Variants in ITGB4 observed in about 807,000 individuals in gnomAD.
ITGB4 encodes integrin beta-4.
ITGB4 carries 159 observed loss-of-function variants against 207.6 expected under a neutral mutation model. The ratio of observed to expected loss-of-function variants is 0.77; its 90% CI spans 0.67 to 0.87. The LOEUF (loss-of-function observed/expected upper bound fraction) is 0.87. ITGB4 is among the 40% of genes least tolerant of loss of function. The pLI is 0.00. For synonymous variants in ITGB4, 1,020 were observed against 1,062.7 expected (o/e 0.96, Z 0.78); for missense variants, 2,278 against 2,546.8 (o/e 0.89, Z 2.27).
chr17:75,754,838 G>A (rs757662832), intron 34 of ITGB4, 23 bp downstream of exon 34: 87 of 1,613,840 alleles, frequency 5.4e-5, no homozygotes, highest in Non-Finnish European at 6.7e-5. Flanking sequence ...AGCCAACCCT[G>A]CCTCTCCCAC....
intron 13 of ITGB4, 141 bp downstream of exon 13, chr17:75,733,833 C>A: frequency 1.1e-6 from 1 of 945,900 alleles, no homozygotes; most frequent in Non-Finnish European, 1.6e-6. Context: ...CTCTGGATGC[C>A]CTGAGGGCCG....
In ITGB4 at chr17:75,742,386, G is replaced by T. The variant is rs149712551; in HGVS notation, c.2679G>T (p.Ser893=). 14 of 1,613,398 alleles carry T rather than the reference G, an allele frequency of 8.7e-6. No individual in the cohort carries two copies. In the East Asian group the frequency reaches 2.9e-4, roughly 33 times the overall value. ...IVDTVLMAPR[S]AKPALLKLTE... Reference sequence around the variant, plus strand: ...ACACAGTGCTGATGGCGCCCCGCTCGGCCAAGCCGGCCCTGCTGAAGCTTA... The same window carrying T: ...ACACAGTGCTGATGGCGCCCCGCTCTGCCAAGCCGGCCCTGCTGAAGCTTA... The change falls in exon 24 of 40, where the codon TCG becomes TCT. Residue 893 remains serine (S), a synonymous_variant. Transcript: ENST00000200181. The surrounding 1 kb of genome is among the most constrained non-coding windows in gnomAD (Gnocchi z 5.9).
At chr17:75,756,306 C>T (rs766548967) in intron 35 of ITGB4, 123 bp from the exon 36 acceptor site, 1 of 1,080,306 alleles carries the variant, frequency 9.3e-7, no homozygotes, top group Non-Finnish European at 1.4e-6. Context: ...AACCTGTACC[C>T]AAACCACAGC....
At position 75,722,522 on chromosome 17, in the gene ITGB4, G is replaced by T. The variant is rs925440733; in HGVS notation, c.-11+910G>T. On this transcript the variant is annotated intron_variant, in intron 1 of 39. Transcript: ENST00000200181. The surrounding 1 kb of genome is among the most constrained non-coding windows in gnomAD (Gnocchi z 6.2). ...GGACAGCAGGAGGGACAGGAGGGGA[G>T]GTATGTCTGTCTACTCGACCCTGAT... 5.9e-5 allele frequency among the ~76,000 whole-genome samples: 9 copies of T among 152,196 alleles called. No homozygotes were observed. Among genetic ancestry groups the T allele is most frequent in the South Asian group, 2.1e-4 (1 of 4,832 alleles).
In ITGB4 at chr17:75,754,777, C is replaced by T. The variant is rs752769046; in HGVS notation, c.4520C>T (p.Pro1507Leu). 8 of 1,612,544 alleles carry T rather than the reference C, an allele frequency of 5.0e-6. No homozygotes were observed. The highest frequency in any genetic ancestry group is 6.8e-6 in the Non-Finnish European group (8 of 1,178,920). Residue 1507 changes from proline (P) to leucine (L), a missense_variant, in exon 34 of 40, where the codon CCC becomes CTC. By Grantham distance (98) the Pro-to-Leu change is moderately conservative. Coordinates refer to ENST00000200181, the MANE Select transcript of ITGB4 (RefSeq NM_000213.5). ...RSEHSHSTTLPRDYSTLTSVS... is the reference protein window; with the variant it reads ...RSEHSHSTTLLRDYSTLTSVS... The stretch of plus-strand genomic sequence containing the variant: ...GAACACTCACACTCGACCACACTGC[C>T]CAGGGACTACTCCACCCTCACCTCC...
At position 75,733,477 on chromosome 17, in the gene ITGB4, G is replaced by C. The variant is rs752290304; in HGVS notation, c.1455-13G>C. The C allele has an allele frequency of 4.3e-6, 7 of 1,612,124 alleles. No homozygotes were observed. The Admixed American group carries it at 1.2e-4, about 27-fold the overall frequency. ...CCTGGGCTGTTTCGGGGAATGACCA[G>C]TTCCTCCTTCAGGAGTGGCCAGACC... On this transcript the variant is annotated splice_polypyrimidine_tract_variant and intron_variant, in intron 12 of 39. Coordinates refer to ENST00000200181, the MANE Select transcript of ITGB4 (RefSeq NM_000213.5).
In ITGB4 at chr17:75,731,387, A is replaced by T; in HGVS notation, c.1215+19A>T. On this transcript the variant is annotated intron_variant, in intron 10 of 39. Transcript: ENST00000200181. The surrounding 1 kb of genome is among the most constrained non-coding windows in gnomAD (Gnocchi z 6.8). Reference sequence around the variant, plus strand: ...GGAAGTGGTACGCCTCTGTGGGGGCAGCGGGGTGGGGGATAGGCACAGCGC... The same window carrying T: ...GGAAGTGGTACGCCTCTGTGGGGGCTGCGGGGTGGGGGATAGGCACAGCGC... 5 of 1,579,884 alleles carry T rather than the reference A, an allele frequency of 3.2e-6. No homozygotes were observed. Among genetic ancestry groups the T allele is most frequent in the Non-Finnish European group, 4.3e-6 (5 of 1,152,252 alleles).
In ITGB4 at chr17:75,754,933, T is replaced by C. The variant is rs1340135962; in HGVS notation, c.4558+118T>C. ...CCATTCTCCAACATACACACACGCATGCACACATGCACGCACACACGTGCA... is the reference window on the plus strand; with the variant it reads ...CCATTCTCCAACATACACACACGCACGCACACATGCACGCACACACGTGCA... On this transcript the variant is annotated intron_variant, in intron 34 of 39. Transcript: ENST00000200181. The C allele has an allele frequency of 3.9e-6, 6 of 1,542,840 alleles. No homozygotes were observed. In the Admixed American group the frequency reaches 6.9e-5, roughly 18 times the overall value.
chr17:75,727,225 G>T lies in ITGB4; in HGVS notation c.110G>T (p.Ser37Ile), dbSNP rs972322019. ...CGCTGCAAGAAGGCCCCAGTGAAGA[G>T]CTGCACGGAGTGTGTCCGTGTGGAT... Reference protein sequence around the residue: ...ANRCKKAPVKSCTECVRVDKD... With the variant: ...ANRCKKAPVKICTECVRVDKD... Residue 37 changes from serine to isoleucine, a missense_variant, in exon 3 of 40, where the codon AGC becomes ATC. Transcript: ENST00000200181. The surrounding 1 kb of genome is among the most constrained non-coding windows in gnomAD (Gnocchi z 6.0). 3.7e-6 allele frequency: 6 copies of T among 1,614,078 alleles called. No individual in the cohort carries two copies. Among genetic ancestry groups the T allele is most frequent in the Non-Finnish European group, 5.1e-6 (6 of 1,179,986 alleles).
Position 75,727,730 on chromosome 17 carries a change from A to G in ITGB4, c.344A>G (p.Glu115Gly). 6.2e-7 allele frequency: 1 copy of G among 1,613,788 alleles called. No individual in the cohort carries two copies. ...GLRVRLRPGEERHFELEVFEP... is the reference protein window; with the variant it reads ...GLRVRLRPGEGRHFELEVFEP... ...CGGGTCCGTCTGCGGCCCGGTGAGG[A>G]GCGGCATTTTGAGCTGGAGGTGTTT... The change falls in exon 5 of 40, where the codon GAG (glutamate) becomes GGG (glycine). Residue 115 changes from glutamate (E) to glycine (G), a missense_variant. Coordinates refer to ENST00000200181, the MANE Select transcript of ITGB4 (RefSeq NM_000213.5). This position sits in a 1 kb window ranked among gnomAD's most constrained non-coding sequence, Gnocchi z 6.0.
Position 75,740,270 on chromosome 17 carries a change from G to A in ITGB4, c.2447-88G>A. 3 of 1,332,434 alleles carry A rather than the reference G, an allele frequency of 2.3e-6. No individual in the cohort carries two copies. Among genetic ancestry groups the A allele is most frequent in the Non-Finnish European group, 3.2e-6 (3 of 945,730 alleles). The allele number at this position is 1,332,434 out of a possible 1,614,324, so 82.5% of individuals were successfully genotyped here. ...GCTGGCCAGGCATCCCCTGATCCTA[G>A]CATGGTTGCTGGAGGGATGCTCTGT... On this transcript the variant is annotated intron_variant, in intron 20 of 39. Coordinates refer to ENST00000200181, the MANE Select transcript of ITGB4 (RefSeq NM_000213.5). This position sits in a 1 kb window ranked among gnomAD's most constrained non-coding sequence, Gnocchi z 5.9.
At chr17:75,737,050 G>A (rs1031688932) in intron 16 of ITGB4, among the ~76,000 whole-genome samples, 8 of 152,176 alleles carry the variant, frequency 5.3e-5, no homozygotes, top group African/African-American at 9.7e-5. Context: ...GATCAGATAC[G>A]TTTTCTGGAC....
In ITGB4 at chr17:75,739,659, C is replaced by T. The variant is rs367975528; in HGVS notation, c.2221-13C>T. ...CTGTCTCAGGCCTCACCCTCACCCA[C>T]CTTGTCTCCTAGGCCTGCCTGGCAC... On this transcript the variant is annotated splice_polypyrimidine_tract_variant and intron_variant, in intron 18 of 39. Coordinates refer to ENST00000200181, the MANE Select transcript of ITGB4 (RefSeq NM_000213.5). This position sits in a 1 kb window ranked among gnomAD's most constrained non-coding sequence, Gnocchi z 5.4. 49 of 1,614,160 alleles carry T rather than the reference C, an allele frequency of 3.0e-5. No individual in the cohort carries two copies. The African/African-American group carries it at 3.9e-4, about 13-fold the overall frequency.
chr17:75,730,542 G>C, intron 8 of ITGB4, 38 bp downstream of exon 8: 1 of 1,611,414 alleles, frequency 6.2e-7, no homozygotes, highest in South Asian at 1.1e-5. Flanking sequence ...AGGTGGTCAA[G>C]GTAGGGGGTC....
In ITGB4 at chr17:75,730,341, T is replaced by C. The variant is rs1452885629; in HGVS notation, c.839T>C (p.Ile280Thr). The C allele has an allele frequency of 1.2e-6, 2 of 1,613,806 alleles. No individual in the cohort carries two copies. Residue 280 changes from isoleucine to threonine, a missense_variant, in exon 8 of 40, where the codon ATC (isoleucine) becomes ACC (threonine). Transcript: ENST00000200181. ...EADGANVLAG[I>T]MSRNDERCHL... ...GATGGCGCCAACGTGCTGGCTGGCA[T>C]CATGAGCCGCAACGATGAACGGTGC...
rs1175882261 is a variant in ITGB4, at chr17:75,756,971, A to G, written c.5082A>G (p.Gly1694=). ...GGPATAFRVD[G]DSPESRLTVP... ...CAGCCACCGCATTCCGGGTGGATGG[A>G]GACAGCCCCGAGAGCCGGCTGACCG... The change falls in exon 38 of 40, where the codon GGA becomes GGG. Residue 1694 remains glycine (G), a synonymous_variant. Coordinates refer to ENST00000200181, the MANE Select transcript of ITGB4 (RefSeq NM_000213.5). The G allele has an allele frequency of 2.5e-6, 4 of 1,612,584 alleles. No homozygotes were observed. Among genetic ancestry groups the G allele is most frequent in the Non-Finnish European group, 2.5e-6 (3 of 1,179,946 alleles).
chr17:75,727,121 T>C lies in ITGB4; in HGVS notation c.80-74T>C. 4.4e-6 allele frequency: 5 copies of C among 1,124,398 alleles called. No homozygotes were observed. Among genetic ancestry groups the C allele is most frequent in the Non-Finnish European group, 5.4e-6 (4 of 744,958 alleles). 69.7% of individuals were successfully genotyped at this position (1,124,398 alleles called of 1,614,324 possible). A position where few individuals can be genotyped will look rare whatever the true frequency, so the allele number is the denominator to read the frequency against. On this transcript the variant is annotated intron_variant, in intron 2 of 39. Transcript: ENST00000200181. This position sits in a 1 kb window ranked among gnomAD's most constrained non-coding sequence, Gnocchi z 6.0. ...AGGAGGGAATCCCCATCTCTCCAGG[T>C]GAAGGTGCAGGTGGGAAAGTGCTTG...
chr17:75,756,857 G>A lies in ITGB4; in HGVS notation c.5051G>A (p.Gly1684Glu). 6.2e-7 allele frequency: 1 copy of A among 1,612,332 alleles called. No individual in the cohort carries two copies. Among genetic ancestry groups the A allele is most frequent in the South Asian group, 1.1e-5 (1 of 91,054 alleles). Residue 1684 changes from glycine to glutamate, a missense_variant and splice_region_variant, in exon 37 of 40, where the codon GGA becomes GAA. Gly to Glu is a moderately conservative substitution (Grantham distance 98). Transcript: ENST00000200181. ...GTGACCTGTGAGATGGCCCAAGGAG[G>A]AGGTGCTGCCCACCCCGGGGGCAGG... is the stretch of plus-strand genomic sequence containing the variant. ...YLVTCEMAQG[G>E]GPATAFRVDG...
Position 75,729,532 on chromosome 17 carries a change from C to T in ITGB4, c.738+96C>T, listed in dbSNP as rs2060805704. 7.4e-7 allele frequency: 1 copy of T among 1,345,438 alleles called. No homozygotes were observed. Among genetic ancestry groups the T allele is most frequent in the Admixed American group, 2.3e-5 (1 of 43,394 alleles). The allele number at this position is 1,345,438 out of a possible 1,614,324, so 83.3% of individuals were successfully genotyped here. On this transcript the variant is annotated intron_variant, in intron 7 of 39. Coordinates refer to ENST00000200181, the MANE Select transcript of ITGB4 (RefSeq NM_000213.5). This position sits in a 1 kb window ranked among gnomAD's most constrained non-coding sequence, Gnocchi z 4.4. Reference sequence around the variant, plus strand: ...CCCTGGCCTGCTCTGGTGCCAGGCTCACAGGCCCTGAGGGAAAGCCTGGGA... The same window carrying T: ...CCCTGGCCTGCTCTGGTGCCAGGCTTACAGGCCCTGAGGGAAAGCCTGGGA...
Sources: allele counts gnomAD v4.1 joint callset (sites outside exome capture counted in the v4.1 genomes callset), GRCh38; gene constraint gnomAD v4.1.1; non-coding constraint Gnocchi (gnomAD v3.1); transcripts MANE v1.5; gene names NCBI Gene and HGNC (gene_info 2026-07-23, HGNC 2026-07-21).